The following WWOX variants were observed in gnomAD, a reference collection of about 807,000 sequenced individuals.
WWOX encodes WW domain containing oxidoreductase, also known as WW domain-containing oxidoreductase.
Under a neutral mutation model 46.2 loss-of-function variants are expected in WWOX, and 69 were observed. The ratio of observed to expected loss-of-function variants is 1.49; its 90% CI spans 1.23 to 1.82. The LOEUF (loss-of-function observed/expected upper bound fraction) is 1.82, where lower values mean the gene tolerates loss of function less well. Ranked by LOEUF, WWOX falls within the 40% of genes most tolerant of loss-of-function variation. The probability of loss-of-function intolerance (pLI) is 0.00; values close to 1 mark genes in which losing one functional copy is unlikely to be tolerated. For synonymous variants in WWOX, 359 were observed against 202.6 expected (o/e 1.77, Z -6.56); for missense variants, 919 against 542.6 (o/e 1.69, Z -6.89).
intron 8 of WWOX, among the ~76,000 whole-genome samples, chr16:78,852,904 T>C (rs1202468145): frequency 6.6e-6 from 1 of 152,224 alleles, no homozygotes; most frequent in Non-Finnish European, 1.5e-5. Context: ...AAAAAGTAGT[T>C]TGGTGACAGG....
intron 8 of WWOX, among the ~76,000 whole-genome samples, chr16:78,548,272 T>G (rs1053807262): frequency 6.6e-6 from 1 of 152,040 alleles, no homozygotes; most frequent in Non-Finnish European, 1.5e-5. Flanking sequence ...CTTCAAAAAC[T>G]TGGCAGTAGC....
intron 8 of WWOX, among the ~76,000 whole-genome samples, chr16:78,729,956 G>C (rs1466458707): frequency 6.6e-6 from 1 of 152,130 alleles, no homozygotes; most frequent in Non-Finnish European, 1.5e-5. Context: ...AGCAATCGAA[G>C]GTCATAGTTT....
intron 8 of WWOX, among the ~76,000 whole-genome samples, chr16:78,823,772 A>T (rs564782058): frequency 7.7e-6 from 1 of 130,580 alleles, no homozygotes; most frequent in African/African-American, 2.8e-5. Flanking sequence ...TGAGCTTTCT[A>T]GACTTGTTAT....
intron 8 of WWOX, among the ~76,000 whole-genome samples, chr16:78,450,306 A>G (rs996390967): frequency 6.6e-6 from 1 of 152,206 alleles, no homozygotes; most frequent in Admixed American, 6.5e-5. Flanking sequence ...TTGAAAAAAG[A>G]AAGTGAAATA....
At chr16:78,292,363 C>T (rs1165194426) in intron 5 of WWOX, among the ~76,000 whole-genome samples, 1 of 152,158 alleles carries the variant, frequency 6.6e-6, no homozygotes, top group African/African-American at 2.4e-5. Flanking sequence ...TTTGGCCTAA[C>T]AACTGAACAC....
At chr16:78,958,615 G>C (rs2046215553) in intron 8 of WWOX, among the ~76,000 whole-genome samples, 1 of 152,204 alleles carries the variant, frequency 6.6e-6, no homozygotes, top group Non-Finnish European at 1.5e-5. Flanking sequence ...CACTAGAAAT[G>C]CGAGTCCATC....
intron 5 of WWOX, among the ~76,000 whole-genome samples, chr16:78,300,134 C>T (rs1386848671): frequency 6.6e-6 from 1 of 152,118 alleles, no homozygotes; most frequent in Non-Finnish European, 1.5e-5. Flanking sequence ...ATCATGAAGT[C>T]TGTTCAATTT....
At chr16:78,831,397 C>A (rs368875785) in intron 8 of WWOX, among the ~76,000 whole-genome samples, 1 of 152,162 alleles carries the variant, frequency 6.6e-6, no homozygotes, top group African/African-American at 2.4e-5. Flanking sequence ...TATCTGTGTT[C>A]ATGTAAATGT....
At chr16:78,682,946 TC>T (rs1175491806) in intron 8 of WWOX, among the ~76,000 whole-genome samples, 1 of 152,100 alleles carries the variant, frequency 6.6e-6, no homozygotes, top group Non-Finnish European at 1.5e-5. Flanking sequence ...GTGAGTGATT[TC>T]CCCGCGTAAA....
At position 78,596,496 on chromosome 16, in the gene WWOX, T is replaced by A. The variant is rs1040652146; in HGVS notation, c.1056+163744T>A. Among the ~76,000 whole-genome samples the A allele has an allele frequency of 6.0e-5, 9 of 151,084 alleles. 1 individual carries two copies. The highest frequency in any genetic ancestry group is 2.2e-4 in the African/African-American group (9 of 41,334). ...GCAGGGCGTATCAGGGGTGCTAAGG[T>A]GACTTCCAAGATTGAGGTTGGCGAG... On this transcript the variant is annotated intron_variant, in intron 8 of 8. Transcript: ENST00000566780.
At position 78,183,512 on chromosome 16, in the gene WWOX, C is replaced by T. The variant is rs1388252370; in HGVS notation, c.516+19223C>T. ...GCCGTTCTGTAGCAGTGTTGTGGAT[C>T]TCAGACAAGGTGTTCCTGCATATGC... On this transcript the variant is annotated intron_variant, in intron 5 of 8. Coordinates refer to ENST00000566780, the MANE Select transcript of WWOX (RefSeq NM_016373.4). Among the ~76,000 whole-genome samples the T allele has an allele frequency of 3.9e-5, 6 of 152,316 alleles. No homozygotes were observed. In the East Asian group the frequency reaches 1.2e-3, roughly 29 times the overall value.
chr16:78,230,721 G>A (rs1443125970), intron 5 of WWOX, among the ~76,000 whole-genome samples: 4 of 152,194 alleles, frequency 2.6e-5, no homozygotes, highest in Non-Finnish European at 5.9e-5. Context: ...AGTGTGAAAG[G>A]GAAGGCAAAT....
intron 8 of WWOX, among the ~76,000 whole-genome samples, chr16:78,873,697 G>T (rs909481547): frequency 2.0e-5 from 3 of 152,154 alleles, no homozygotes; most frequent in Non-Finnish European, 4.4e-5. Context: ...GACTGAGGAG[G>T]ACGATTGCTT....
intron 5 of WWOX, among the ~76,000 whole-genome samples, chr16:78,178,856 T>G (rs1042824235): frequency 9.7e-6 from 1 of 103,384 alleles, no homozygotes; most frequent in Non-Finnish European, 1.9e-5. Flanking sequence ...AGAGCGAGAT[T>G]CCGTCTCAAA....
chr16:78,242,774 G>A (rs1213420492), intron 5 of WWOX, among the ~76,000 whole-genome samples: 2 of 152,142 alleles, frequency 1.3e-5, no homozygotes, highest in Non-Finnish European at 2.9e-5. Flanking sequence ...TTGGGAGGCC[G>A]AGGCAGGCAG....
chr16:78,694,694 C>T (rs918453263), intron 8 of WWOX, among the ~76,000 whole-genome samples: 1 of 152,178 alleles, frequency 6.6e-6, no homozygotes, highest in African/African-American at 2.4e-5. Context: ...AAGACAGAAG[C>T]ATATGGCAGA....
At chr16:79,079,736 C>T (rs915392471) in intron 8 of WWOX, among the ~76,000 whole-genome samples, 3 of 152,188 alleles carry the variant, frequency 2.0e-5, no homozygotes, top group African/African-American at 7.2e-5. Context: ...CTACCCCAGG[C>T]TTTGCAACAG....
chr16:78,106,091 C>T (rs574208079), intron 1 of WWOX, among the ~76,000 whole-genome samples: 30 of 152,132 alleles, frequency 2.0e-4, no homozygotes, highest in Non-Finnish European at 4.0e-4. Flanking sequence ...CGTGAGCCAC[C>T]GTACCCCGCC....
At position 78,214,332 on chromosome 16, in the gene WWOX, G is replaced by C. The variant is rs1216318390; in HGVS notation, c.516+50043G>C. 9.1e-5 allele frequency among the ~76,000 whole-genome samples: 4 copies of C among 44,174 alleles called. No individual in the cohort carries two copies. In the South Asian group the frequency reaches 1.5e-3, roughly 17 times the overall value. The allele number at this position is 44,174 out of a possible 152,430, so 29.0% of individuals were successfully genotyped here. On this transcript the variant is annotated intron_variant, in intron 5 of 8. Coordinates refer to ENST00000566780, the MANE Select transcript of WWOX (RefSeq NM_016373.4). ...TCTCTGAACTTCAATTATCTCATCT[G>C]TAAAAGGTGTTGGTTTGTAATTGTT...
Sources: allele counts gnomAD v4.1 joint callset (sites outside exome capture counted in the v4.1 genomes callset), GRCh38; gene constraint gnomAD v4.1.1; transcripts MANE v1.5; gene names NCBI Gene and HGNC (gene_info 2026-07-23, HGNC 2026-07-21).